The following TAFA1 variants were observed in gnomAD, a reference collection of about 807,000 sequenced individuals.
TAFA1 encodes TAFA chemokine like family member 1, also known as chemokine-like protein TAFA-1.
In TAFA1, 4 loss-of-function variants were observed where a neutral mutation model predicts 18.5. The observed-to-expected ratio is 0.22, with a 90% CI of 0.11 to 0.49. The LOEUF is 0.49. Among genes scored for constraint, TAFA1 ranks in the 20% least tolerant of loss-of-function variants. TAFA1 has a pLI of 0.98. For missense variants in TAFA1, 147 were observed against 169.0 expected (o/e 0.87, Z 0.72); for synonymous variants, 56 against 55.2 (o/e 1.01, Z -0.06).
At chr3:68,129,492 G>C (rs759933971) in intron 2 of TAFA1, among the ~76,000 whole-genome samples, 2 of 152,114 alleles carry the variant, frequency 1.3e-5, no homozygotes, top group Non-Finnish European at 2.9e-5. Context: ...TCTTGTGTAG[G>C]TTAAGGGAGA....
chr3:68,387,778 A>G (rs2070136541), intron 2 of TAFA1, among the ~76,000 whole-genome samples: 1 of 152,114 alleles, frequency 6.6e-6, no homozygotes, highest in Admixed American at 6.6e-5. Flanking sequence ...GATACAAAAA[A>G]CTGTTTTTCC....
At chr3:68,364,560 C>A (rs550189738) in intron 2 of TAFA1, among the ~76,000 whole-genome samples, 1 of 152,058 alleles carries the variant, frequency 6.6e-6, no homozygotes, top group East Asian at 1.9e-4. Flanking sequence ...TCTAGAGGAA[C>A]GTATTTATCT....
chr3:68,147,641 C>T (rs529860610), intron 2 of TAFA1, among the ~76,000 whole-genome samples: 58 of 152,250 alleles, frequency 3.8e-4, no homozygotes, highest in African/African-American at 1.3e-3. Context: ...TGTCTACCAC[C>T]GGCTCCAACC....
intron 2 of TAFA1, among the ~76,000 whole-genome samples, chr3:68,113,477 G>A (rs2106841545): frequency 6.6e-6 from 1 of 152,188 alleles, no homozygotes; most frequent in Non-Finnish European, 1.5e-5. Context: ...TAAAATATGG[G>A]AGAATATAAG....
intron 2 of TAFA1, among the ~76,000 whole-genome samples, chr3:68,089,115 A>G (rs1255066338): frequency 6.6e-6 from 1 of 152,120 alleles, no homozygotes; most frequent in Admixed American, 6.6e-5. Context: ...CACCTATTAG[A>G]CATACAACTG....
intron 2 of TAFA1, among the ~76,000 whole-genome samples, chr3:68,197,388 T>C (rs2066422862): frequency 6.6e-6 from 1 of 151,662 alleles, no homozygotes; most frequent in Admixed American, 6.6e-5. Flanking sequence ...CAGGTGTATC[T>C]TTTAGAATTA....
chr3:68,109,871 C>T (rs1416735694), intron 2 of TAFA1, among the ~76,000 whole-genome samples: 1 of 152,146 alleles, frequency 6.6e-6, no homozygotes, highest in Non-Finnish European at 1.5e-5. Flanking sequence ...AAACAAAGTA[C>T]TTCAAGTTCA....
chr3:68,487,533 G>T (rs2072367149), intron 3 of TAFA1, among the ~76,000 whole-genome samples: 1 of 151,960 alleles, frequency 6.6e-6, no homozygotes, highest in Non-Finnish European at 1.5e-5. Context: ...GGATCACAAG[G>T]TCAGGAGATC....
At chr3:68,412,090 A>G (rs2070729812) in intron 2 of TAFA1, among the ~76,000 whole-genome samples, 1 of 152,192 alleles carries the variant, frequency 6.6e-6, no homozygotes, top group Non-Finnish European at 1.5e-5. Context: ...TCCTGGCCTC[A>G]TGTGTGTAAA....
At chr3:68,327,523 A>G (rs1212005119) in intron 2 of TAFA1, among the ~76,000 whole-genome samples, 1 of 152,172 alleles carries the variant, frequency 6.6e-6, no homozygotes, top group Non-Finnish European at 1.5e-5. Context: ...AGCAGCATGA[A>G]ACTGGTCAAA....
chr3:68,043,885 T>C (rs1049454500), intron 2 of TAFA1, among the ~76,000 whole-genome samples: 1 of 152,186 alleles, frequency 6.6e-6, no homozygotes, highest in Non-Finnish European at 1.5e-5. Flanking sequence ...AGGGTACATG[T>C]GCACAATGTG....
At chr3:68,076,005 A>G (rs927742006) in intron 2 of TAFA1, among the ~76,000 whole-genome samples, 1 of 152,184 alleles carries the variant, frequency 6.6e-6, no homozygotes, top group East Asian at 1.9e-4. Flanking sequence ...CTGATCCACT[A>G]TCTTTCATAG....
At chr3:68,452,407 T>C (rs1015645890) in intron 3 of TAFA1, among the ~76,000 whole-genome samples, 2 of 150,518 alleles carry the variant, frequency 1.3e-5, no homozygotes, top group African/African-American at 2.5e-5. Flanking sequence ...CCTATGGTCC[T>C]AGCTACTCGG....
intron 2 of TAFA1, among the ~76,000 whole-genome samples, chr3:68,408,588 C>A (rs975471070): frequency 1.3e-5 from 2 of 152,126 alleles, no homozygotes; most frequent in Admixed American, 1.3e-4. Context: ...CCTTTTCTTT[C>A]CCTTTACATT....
At chr3:68,235,033 G>T (rs184773126) in intron 2 of TAFA1, among the ~76,000 whole-genome samples, 2 of 152,170 alleles carry the variant, frequency 1.3e-5, no homozygotes, top group Admixed American at 1.3e-4. Flanking sequence ...ATGCACACAC[G>T]TTTATATACA....
intron 3 of TAFA1, among the ~76,000 whole-genome samples, chr3:68,526,242 T>A (rs1471098621): frequency 6.6e-6 from 1 of 152,190 alleles, no homozygotes; most frequent in African/African-American, 2.4e-5. Flanking sequence ...ATTTAGAAAA[T>A]GACTCACAAT....
At chr3:68,350,032 A>G (rs962699160) in intron 2 of TAFA1, among the ~76,000 whole-genome samples, 3 of 152,156 alleles carry the variant, frequency 2.0e-5, no homozygotes, top group African/African-American at 7.2e-5. Flanking sequence ...TTTAGACTCT[A>G]TAACTCTGAT....
intron 2 of TAFA1, among the ~76,000 whole-genome samples, chr3:68,269,331 C>T (rs1215886058): frequency 6.6e-6 from 1 of 151,950 alleles, no homozygotes; most frequent in Non-Finnish European, 1.5e-5. Context: ...TGGCACATGC[C>T]TGTGATCCCA....
intron 2 of TAFA1, among the ~76,000 whole-genome samples, chr3:68,307,227 G>C (rs2068437907): frequency 6.6e-6 from 1 of 152,110 alleles, no homozygotes; most frequent in Non-Finnish European, 1.5e-5. Context: ...ATACAATGAT[G>C]AAAAAAGTTA....
Sources: gnomAD v4.1 joint callset for allele counts (sites outside exome capture counted in the v4.1 genomes callset) on GRCh38, gnomAD v4.1.1 for gene constraint, MANE v1.5 for transcripts, NCBI Gene and HGNC (gene_info 2026-07-23, HGNC 2026-07-21) for gene names.